The following ADAMTS17 variants were observed in gnomAD, a reference collection of about 807,000 sequenced individuals.
The protein encoded by ADAMTS17 is ADAM metallopeptidase with thrombospondin type 1 motif 17, also known as A disintegrin and metalloproteinase with thrombospondin motifs 17.
A neutral mutation model predicts 141.5 loss-of-function variants in ADAMTS17; 113 were observed. The observed-to-expected ratio is 0.80, with a 90% confidence interval of 0.69 to 0.93. The LOEUF (loss-of-function observed/expected upper bound fraction) is 0.93, where lower values mean the gene tolerates loss of function less well. ADAMTS17 is among the 40% of genes least tolerant of loss of function. ADAMTS17 has a pLI of 0.00. For missense variants in ADAMTS17, 1,659 were observed against 1,517.9 expected (o/e 1.09, Z -1.54); for synonymous variants, 768 against 630.6 (o/e 1.22, Z -3.27).
chr15:100,037,340 G>C (rs73472463), intron 18 of ADAMTS17, among the ~76,000 whole-genome samples: 4,580 of 151,282 alleles, frequency 0.03, 243 homozygotes, highest in African/African-American at 0.1. Flanking sequence ...CAGATCTTTT[G>C]TTCAGTTTTC....
At position 100,341,278 on chromosome 15, in the gene ADAMTS17, C is replaced by A. The variant is rs1042212825; in HGVS notation, c.211G>T (p.Ala71Ser). The A allele has an allele frequency of 1.6e-4, 188 of 1,176,098 alleles. 1 individual carries two copies. Among genetic ancestry groups the A allele is most frequent in the Middle Eastern group, 3.5e-4 (1 of 2,890 alleles). 72.9% of individuals were successfully genotyped at this position (1,176,098 alleles called of 1,614,324 possible). Residue 71 changes from alanine to serine, a missense_variant, in exon 2 of 22, where the codon GCC becomes TCC. By Grantham distance (99) the Ala-to-Ser change is moderately conservative. Coordinates refer to ENST00000268070, the MANE Select transcript of ADAMTS17 (RefSeq NM_139057.4). ...RRRRPRTPPA[A>S]PRARPGERAL... ...CGCTCTCCGGGCCGGGCGCGCGGGGCGGCTGGGGGCGTGCGGGGGCGTCGC... is the reference window on the plus strand; with the variant it reads ...CGCTCTCCGGGCCGGGCGCGCGGGGAGGCTGGGGGCGTGCGGGGGCGTCGC...
intron 2 of ADAMTS17, among the ~76,000 whole-genome samples, chr15:100,334,382 G>A (rs964942097): frequency 6.6e-6 from 1 of 152,204 alleles, no homozygotes; most frequent in African/African-American, 2.4e-5. Flanking sequence ...TCAGGAGTCT[G>A]CAGCTCCTCA....
chr15:100,241,165 G>C (rs949581080), intron 7 of ADAMTS17, among the ~76,000 whole-genome samples: 2 of 151,934 alleles, frequency 1.3e-5, no homozygotes, highest in Non-Finnish European at 2.9e-5. Flanking sequence ...TTATTTTCAG[G>C]GTCCTGGCCA....
In ADAMTS17 at chr15:100,292,209, G is replaced by A. The variant is rs1046154519; in HGVS notation, c.617-10808C>T. 6.0e-4 allele frequency among the ~76,000 whole-genome samples: 86 copies of A among 144,472 alleles called. 3 individuals carry two copies. The East Asian group carries it at 8.7e-3, about 15-fold the overall frequency. The allele number at this position is 144,472 out of a possible 152,430, so 94.8% of individuals were successfully genotyped here. A position where few individuals can be genotyped will look rare whatever the true frequency, so the allele number is the denominator to read the frequency against. ...CACCCCGTGGGGAATCACGAGACAC[G>A]CTCACCCCGTGGGGAATCACGAGAG... On this transcript the variant is annotated intron_variant, in intron 3 of 21. Transcript: ENST00000268070.
chr15:100,204,958 G>T (rs2041476063), intron 7 of ADAMTS17, among the ~76,000 whole-genome samples: 5 of 152,212 alleles, frequency 3.3e-5, no homozygotes. Context: ...AGCAGTTATG[G>T]CCTTGCAGGC....
chr15:100,130,806 A>G (rs2037997238), intron 12 of ADAMTS17, among the ~76,000 whole-genome samples: 1 of 152,200 alleles, frequency 6.6e-6, no homozygotes, highest in African/African-American at 2.4e-5. Context: ...CATAAAACAG[A>G]TCATTAAAAG....
rs999086023 is a variant in ADAMTS17, at chr15:100,321,015, A to G, written c.616+9874T>C. Among the ~76,000 whole-genome samples, 8 of 152,358 alleles carry G rather than the reference A, an allele frequency of 5.3e-5. No individual in the cohort carries two copies. In the East Asian group the frequency reaches 1.5e-3, roughly 29 times the overall value. On this transcript the variant is annotated intron_variant, in intron 3 of 21. Transcript: ENST00000268070. The stretch of plus-strand genomic sequence containing the variant: ...GATATCAGTAAATCTAAATAATTCT[A>G]ACTGCAAAAACATGATTACCATTCA...
chr15:100,098,384 C>T (rs560150717), intron 14 of ADAMTS17, among the ~76,000 whole-genome samples: 1 of 152,156 alleles, frequency 6.6e-6, no homozygotes, highest in African/African-American at 2.4e-5. Flanking sequence ...TGCGGTGGCT[C>T]ACGCCTGTAA....
chr15:100,134,218 C>T lies in ADAMTS17; in HGVS notation c.1474-903G>A, dbSNP rs187788109. The stretch of plus-strand genomic sequence containing the variant: ...AGTTCCACACGCCTCTCAGAGGGTC[C>T]TGGGGGGGATGGCCCCGCTGCCGAC... On this transcript the variant is annotated intron_variant, in intron 10 of 21. Transcript: ENST00000268070. Among the ~76,000 whole-genome samples, 7 of 152,326 alleles carry T rather than the reference C, an allele frequency of 4.6e-5. No homozygotes were observed. In the East Asian group the frequency reaches 1.4e-3, roughly 29 times the overall value.
At chr15:100,238,185 T>A (rs995794828) in intron 7 of ADAMTS17, among the ~76,000 whole-genome samples, 42 of 152,212 alleles carry the variant, frequency 2.8e-4, no homozygotes, top group African/African-American at 1.0e-3. Context: ...GGGTTGCACA[T>A]GAGTGTAATG....
chr15:99,976,731 G>C (rs1376142661), intron 20 of ADAMTS17: 1 of 207,634 alleles, frequency 4.8e-6, no homozygotes, highest in Non-Finnish European at 9.7e-6. Context: ...AAATCGGGGA[G>C]GGTCTTCACC....
intron 7 of ADAMTS17, among the ~76,000 whole-genome samples, chr15:100,206,180 C>T (rs553060120): frequency 1.2e-3 from 183 of 152,328 alleles, no homozygotes; most frequent in Non-Finnish European, 1.8e-3. Flanking sequence ...GACCTCTGGG[C>T]CTCTGCATGT....
chr15:100,198,072 A>C (rs1323969216), intron 8 of ADAMTS17, among the ~76,000 whole-genome samples: 1 of 152,208 alleles, frequency 6.6e-6, no homozygotes, highest in African/African-American at 2.4e-5. Context: ...TACCTAATGT[A>C]GGCGACAGGT....
intron 13 of ADAMTS17, among the ~76,000 whole-genome samples, chr15:100,110,244 T>C (rs2036681190): frequency 1.5e-5 from 2 of 134,586 alleles, no homozygotes; most frequent in African/African-American, 6.7e-5. Context: ...TAAATATATA[T>C]ATATATAAAT....
chr15:100,254,945 T>C (rs1484360626), intron 6 of ADAMTS17, among the ~76,000 whole-genome samples: 1 of 152,054 alleles, frequency 6.6e-6, no homozygotes, highest in African/African-American at 2.4e-5. Context: ...CAAACCACCA[T>C]GGCACATGTT....
chr15:100,048,112 G>C (rs1398705668), intron 18 of ADAMTS17, among the ~76,000 whole-genome samples: 1 of 152,088 alleles, frequency 6.6e-6, no homozygotes, highest in Non-Finnish European at 1.5e-5. Context: ...AAGAAACCTA[G>C]AAAATGGAAA....
intron 14 of ADAMTS17, among the ~76,000 whole-genome samples, chr15:100,107,290 G>A (rs142268945): frequency 3.3e-5 from 5 of 152,246 alleles, no homozygotes; most frequent in South Asian, 2.1e-4. Flanking sequence ...TCTGCTGTCC[G>A]CATGGGCAAG....
intron 10 of ADAMTS17, among the ~76,000 whole-genome samples, chr15:100,148,188 T>C (rs1396265549): frequency 1.3e-5 from 2 of 152,252 alleles, no homozygotes; most frequent in Admixed American, 1.3e-4. Context: ...CATTCATAGG[T>C]GCTGAGGATA....
At chr15:100,311,738 T>TCTTAATC (rs1336471079) in intron 3 of ADAMTS17, among the ~76,000 whole-genome samples, 1 of 152,142 alleles carries the variant, frequency 6.6e-6, no homozygotes, top group Non-Finnish European at 1.5e-5. Context: ...AGCTTTTCTT[T>TCTTAATC]CTTAATCAAG....
Sources: allele counts gnomAD v4.1 joint callset (sites outside exome capture counted in the v4.1 genomes callset), GRCh38; gene constraint gnomAD v4.1.1; transcripts MANE v1.5; gene names NCBI Gene and HGNC (gene_info 2026-07-23, HGNC 2026-07-21).